The following IGF2BP2 variants were observed in gnomAD, a reference collection of about 807,000 sequenced individuals.
IGF2BP2 encodes insulin-like growth factor 2 mRNA-binding protein 2.
Under a neutral mutation model 75.8 loss-of-function variants are expected in IGF2BP2, and 17 were observed. The observed-to-expected ratio is 0.22, with a 90% confidence interval of 0.15 to 0.34. The LOEUF is 0.34. Among genes scored for constraint, IGF2BP2 ranks in the 10% least tolerant of loss-of-function variants. The pLI is 1.00. For synonymous variants in IGF2BP2, 288 were observed against 295.6 expected (o/e 0.97, Z 0.26); for missense variants, 516 against 772.4 (o/e 0.67, Z 3.93).
chr3:185,661,552 G>A (rs941718840), intron 10 of IGF2BP2, among the ~76,000 whole-genome samples: 4 of 149,850 alleles, frequency 2.7e-5, no homozygotes, highest in South Asian at 2.1e-4. Context: ...TGGGAGAATC[G>A]CTTGAACCCG....
chr3:185,666,486 T>C (rs906334615), intron 10 of IGF2BP2, among the ~76,000 whole-genome samples: 1 of 151,962 alleles, frequency 6.6e-6, no homozygotes, highest in African/African-American at 2.4e-5. Context: ...ATACAAAAAT[T>C]AGCCGAACGT....
chr3:185,679,174 CT>C (rs1233987402), intron 7 of IGF2BP2, among the ~76,000 whole-genome samples: 1 of 151,982 alleles, frequency 6.6e-6, no homozygotes, highest in African/African-American at 2.4e-5. Flanking sequence ...TGTCTAGTAG[CT>C]TTTTTGTCCC....
chr3:185,650,612 G>A (rs766655621), intron 13 of IGF2BP2, among the ~76,000 whole-genome samples: 1 of 151,980 alleles, frequency 6.6e-6, no homozygotes, highest in Non-Finnish European at 1.5e-5. Context: ...GAGAGATGGA[G>A]GTTGCAGTGA....
At chr3:185,735,855 T>A (rs1264864474) in intron 2 of IGF2BP2, among the ~76,000 whole-genome samples, 1 of 152,186 alleles carries the variant, frequency 6.6e-6, no homozygotes, top group African/African-American at 2.4e-5. Flanking sequence ...TGGAGCTCAT[T>A]AAGTTTGTTG....
chr3:185,747,826 T>TACTC (rs1305024151), intron 2 of IGF2BP2, among the ~76,000 whole-genome samples: 10 of 57,578 alleles, frequency 1.7e-4, no homozygotes, highest in East Asian at 5.1e-4. Flanking sequence ...TTATTTTATT[T>TACTC]TATTCTACTC....
intron 9 of IGF2BP2, 49 bp downstream of exon 9, chr3:185,675,247 A>G: frequency 1.3e-6 from 2 of 1,582,402 alleles, no homozygotes; most frequent in Non-Finnish European, 1.7e-6. Context: ...AATGGCAAGT[A>G]TTTTTAGCCT....
At chr3:185,702,000 C>T (rs912621320) in intron 2 of IGF2BP2, among the ~76,000 whole-genome samples, 10 of 152,082 alleles carry the variant, frequency 6.6e-5, no homozygotes, top group African/African-American at 9.7e-5. Context: ...TCCTTCAAAA[C>T]GCAGCTCACA....
At chr3:185,812,620 T>G (rs1314411892) in intron 2 of IGF2BP2, among the ~76,000 whole-genome samples, 2 of 152,212 alleles carry the variant, frequency 1.3e-5, no homozygotes, top group Non-Finnish European at 2.9e-5. Flanking sequence ...CTTTACACAC[T>G]GTAGGGTGGG....
chr3:185,661,635 CAA>C (rs562781189), intron 10 of IGF2BP2, among the ~76,000 whole-genome samples: 13 of 39,616 alleles, frequency 3.3e-4, no homozygotes, highest in East Asian at 1.6e-3. Flanking sequence ...AAGACTGTCT[CAA>C]AAAAAAAAAA....
rs57298836 is a variant in IGF2BP2 at position 185,659,527 on chromosome 3, A to C, written c.1201-1118T>G. 5.3e-3 allele frequency among the ~76,000 whole-genome samples: 800 copies of C among 151,454 alleles called. 10 individuals carry two copies. Among genetic ancestry groups the C allele is most frequent in the African/African-American group, 0.018 (759 of 41,226 alleles). On this transcript the variant is annotated intron_variant, in intron 10 of 15. Coordinates refer to ENST00000382199, the MANE Select transcript of IGF2BP2 (RefSeq NM_006548.6). ...GTGGCTGGGATTACAGGCACCCCCC[A>C]CCACGCCTGGTTAATTTTTTGTATT...
intron 7 of IGF2BP2, among the ~76,000 whole-genome samples, chr3:185,680,061 T>C (rs1310768831): frequency 6.6e-6 from 1 of 151,786 alleles, no homozygotes; most frequent in Non-Finnish European, 1.5e-5. Context: ...GACAAATCCT[T>C]AGCTAGATTA....
chr3:185,743,630 A>G (rs934377894), intron 2 of IGF2BP2, among the ~76,000 whole-genome samples: 3 of 152,150 alleles, frequency 2.0e-5, no homozygotes, highest in African/African-American at 7.2e-5. Context: ...GGGACCCCAC[A>G]TTTTCATTCT....
chr3:185,669,576 G>T (rs1314240668), intron 10 of IGF2BP2, among the ~76,000 whole-genome samples: 2 of 141,328 alleles, frequency 1.4e-5, no homozygotes, highest in South Asian at 2.3e-4. Context: ...AAAAAAAAAG[G>T]GGGGGGGGTA....
intron 2 of IGF2BP2, chr3:185,716,979 A>C: frequency 2.7e-6 from 1 of 365,396 alleles, no homozygotes; most frequent in South Asian, 2.1e-5. Context: ...AGTACTGTAC[A>C]TGCTCAATGG....
chr3:185,735,106 C>A (rs1437537813), intron 2 of IGF2BP2, among the ~76,000 whole-genome samples: 1 of 151,552 alleles, frequency 6.6e-6, no homozygotes, highest in Non-Finnish European at 1.5e-5. Context: ...CAGTGAATTA[C>A]ATTTTATGAC....
chr3:185,804,414 A>G (rs1448646641), intron 2 of IGF2BP2, among the ~76,000 whole-genome samples: 1 of 150,706 alleles, frequency 6.6e-6, no homozygotes, highest in Non-Finnish European at 1.5e-5. Flanking sequence ...CCTAGGCGAC[A>G]AGAGCGAGAC....
At chr3:185,707,500 G>T in intron 2 of IGF2BP2, among the ~76,000 whole-genome samples, 1 of 151,224 alleles carries the variant, frequency 6.6e-6, no homozygotes, top group African/African-American at 2.4e-5. Flanking sequence ...GTAGAGACGG[G>T]GTTTCACCAA....
At chr3:185,661,551 C>T (rs1716439230) in intron 10 of IGF2BP2, among the ~76,000 whole-genome samples, 1 of 150,054 alleles carries the variant, frequency 6.7e-6, no homozygotes, top group Non-Finnish European at 1.5e-5. Flanking sequence ...GTGGGAGAAT[C>T]GCTTGAACCC....
chr3:185,660,354 GT>G (rs1716221426), intron 10 of IGF2BP2, among the ~76,000 whole-genome samples: 1 of 152,220 alleles, frequency 6.6e-6, no homozygotes, highest in Non-Finnish European at 1.5e-5. Flanking sequence ...AAATCTCACA[GT>G]GACAGGCAAT....
Sources: gnomAD v4.1 joint callset for allele counts (sites outside exome capture counted in the v4.1 genomes callset) on GRCh38, gnomAD v4.1.1 for gene constraint, MANE v1.5 for transcripts, NCBI Gene and HGNC (gene_info 2026-07-23, HGNC 2026-07-21) for gene names.